Variants in EFNA5 observed in about 807,000 individuals in gnomAD.
EFNA5 encodes ephrin A5, also known as ephrin-A5.
A neutral mutation model predicts 22.9 loss-of-function variants in EFNA5; 5 were observed. That is an observed-to-expected ratio of 0.22 (90% CI 0.11 to 0.46). The LOEUF (loss-of-function observed/expected upper bound fraction) is 0.46, where lower values mean the gene tolerates loss of function less well. Among genes scored for constraint, EFNA5 ranks in the 20% least tolerant of loss-of-function variants. The probability of loss-of-function intolerance (pLI) is 0.99; values close to 1 mark genes in which losing one functional copy is unlikely to be tolerated. For synonymous variants in EFNA5, 113 were observed against 112.2 expected (o/e 1.01, Z -0.04); for missense variants, 237 against 293.3 (o/e 0.81, Z 1.40).
In EFNA5 at chr5:107,380,908, C is replaced by T. The variant is rs1013689722; in HGVS notation, c.*347G>A. 1.8e-5 allele frequency: 8 copies of T among 436,638 alleles called. No homozygotes were observed. The highest frequency in any genetic ancestry group is 3.9e-5 in the African/African-American group (2 of 51,092). The allele number at this position is 436,638 out of a possible 1,614,324, so 27.0% of individuals were successfully genotyped here. ...TTGTCCATAGCCCGCTGACACAGTG[C>T]GCTAACGGAGGTGAGTTCTTAGAGG... On this transcript the variant is annotated 3_prime_UTR_variant, in exon 5 of 5. Transcript: ENST00000333274.
chr5:107,409,470 G>C (rs567668623), intron 2 of EFNA5, among the ~76,000 whole-genome samples: 1 of 152,328 alleles, frequency 6.6e-6, no homozygotes, highest in East Asian at 1.9e-4. Context: ...AAACTACTGA[G>C]TATTGCTAGG....
At position 107,502,689 on chromosome 5, in the gene EFNA5, T is replaced by C. The variant is rs551906776; in HGVS notation, c.126-75180A>G. 2.0e-5 allele frequency among the ~76,000 whole-genome samples: 3 copies of C among 152,308 alleles called. No individual in the cohort carries two copies. In the South Asian group the frequency reaches 6.2e-4, roughly 32 times the overall value. On this transcript the variant is annotated intron_variant, in intron 1 of 4. Coordinates refer to ENST00000333274, the MANE Select transcript of EFNA5 (RefSeq NM_001962.3). ...TATCAAACTATGACTTCTAAATTCC[T>C]TTCCATCAAATGCCAGTAGAAGCAC...
At chr5:107,533,259 G>A (rs551532580) in intron 1 of EFNA5, among the ~76,000 whole-genome samples, 3 of 152,196 alleles carry the variant, frequency 2.0e-5, no homozygotes, top group East Asian at 3.9e-4. Context: ...ATGAAGCGGG[G>A]GGATCTTTTT....
chr5:107,380,549 T>C lies in EFNA5; in HGVS notation c.*706A>G, dbSNP rs964195260. On this transcript the variant is annotated 3_prime_UTR_variant, in exon 5 of 5. Transcript: ENST00000333274. ...TTTCTCTGTTTTCACACCTGCTCTG[T>C]ATTAGCATTCCACACCCAACCTGCC... 8.4e-6 allele frequency: 3 copies of C among 356,016 alleles called. No homozygotes were observed. Among genetic ancestry groups the C allele is most frequent in the African/African-American group, 6.3e-5 (3 of 47,274 alleles). The allele number at this position is 356,016 out of a possible 1,614,324, so 22.1% of individuals were successfully genotyped here.
Position 107,438,669 on chromosome 5 carries a change from A to G in EFNA5, c.126-11160T>C, listed in dbSNP as rs145477970. On this transcript the variant is annotated intron_variant, in intron 1 of 4. Transcript: ENST00000333274. ...AAACCAGCGTTCTCAGGCTCCCACC[A>G]GAGTCACCACAAAGCTACCAAATAG... Among the ~76,000 whole-genome samples the G allele has an allele frequency of 9.3e-4, 142 of 152,148 alleles. 2 individuals are homozygous for G. The East Asian group carries it at 0.021, about 23-fold the overall frequency.
chr5:107,392,169 C>T (rs1235248829), intron 2 of EFNA5, among the ~76,000 whole-genome samples: 1 of 152,120 alleles, frequency 6.6e-6, no homozygotes, highest in African/African-American at 2.4e-5. Context: ...TTGTGGCGGG[C>T]AGCTTCTGAC....
chr5:107,595,835 C>A (rs1056711906), intron 1 of EFNA5, among the ~76,000 whole-genome samples: 1 of 152,082 alleles, frequency 6.6e-6, no homozygotes, highest in Non-Finnish European at 1.5e-5. Flanking sequence ...GGATAAAATA[C>A]GCACTTCAAA....
chr5:107,481,849 CAAA>C (rs3078574), intron 1 of EFNA5, among the ~76,000 whole-genome samples: 1 of 119,846 alleles, frequency 8.3e-6, no homozygotes. Context: ...GACTCCATCT[CAAA>C]AAAAAAAAAA....
chr5:107,598,268 T>C (rs977576371), intron 1 of EFNA5, among the ~76,000 whole-genome samples: 13 of 152,106 alleles, frequency 8.5e-5, no homozygotes, highest in African/African-American at 3.1e-4. Context: ...AGTTAAATAA[T>C]TTTCCTTACT....
chr5:107,552,983 C>A (rs1748331163), intron 1 of EFNA5, among the ~76,000 whole-genome samples: 1 of 152,076 alleles, frequency 6.6e-6, no homozygotes, highest in South Asian at 2.1e-4. Context: ...TTGTAAACTG[C>A]AAAAGGATAA....
intron 1 of EFNA5, among the ~76,000 whole-genome samples, chr5:107,591,547 G>A (rs1212507844): frequency 2.0e-5 from 3 of 151,792 alleles, no homozygotes; most frequent in South Asian, 2.1e-4. Flanking sequence ...TTGAGGCCGG[G>A]TGCAGTGGCT....
intron 1 of EFNA5, among the ~76,000 whole-genome samples, chr5:107,658,263 A>G (rs1388832294): frequency 6.6e-6 from 1 of 152,182 alleles, no homozygotes; most frequent in Non-Finnish European, 1.5e-5. Context: ...CTGCGGTGTA[A>G]TTCTGGCATT....
intron 1 of EFNA5, among the ~76,000 whole-genome samples, chr5:107,553,404 T>C (rs915201889): frequency 6.6e-6 from 1 of 152,190 alleles, no homozygotes; most frequent in African/African-American, 2.4e-5. Context: ...CACCATCCAC[T>C]GCTTTCAAAG....
chr5:107,402,717 A>G (rs1030745692), intron 2 of EFNA5, among the ~76,000 whole-genome samples: 2 of 152,186 alleles, frequency 1.3e-5, no homozygotes, highest in African/African-American at 2.4e-5. Flanking sequence ...CATTTATTAT[A>G]CTGATACATT....
chr5:107,410,052 G>A (rs1384233073), intron 2 of EFNA5, among the ~76,000 whole-genome samples: 2 of 129,592 alleles, frequency 1.5e-5, no homozygotes, highest in African/African-American at 3.2e-5. Context: ...TTTTTGAGAC[G>A]AAGTCTCACT....
intron 1 of EFNA5, among the ~76,000 whole-genome samples, chr5:107,522,627 T>G (rs1438700236): frequency 6.6e-6 from 1 of 152,132 alleles, no homozygotes; most frequent in Non-Finnish European, 1.5e-5. Context: ...CGACGTTACC[T>G]CCAGTGATCC....
chr5:107,414,888 A>G (rs1748463153), intron 2 of EFNA5, among the ~76,000 whole-genome samples: 1 of 152,164 alleles, frequency 6.6e-6, no homozygotes, highest in Non-Finnish European at 1.5e-5. Flanking sequence ...AAAAAAAAAG[A>G]GAAACTCAAG....
intron 1 of EFNA5, among the ~76,000 whole-genome samples, chr5:107,433,002 T>G (rs1269747662): frequency 6.6e-6 from 1 of 152,224 alleles, no homozygotes; most frequent in African/African-American, 2.4e-5. Context: ...TTTCTTTTCT[T>G]GAGCTTACTT....
chr5:107,558,161 G>A (rs899849581), intron 1 of EFNA5, among the ~76,000 whole-genome samples: 1 of 151,782 alleles, frequency 6.6e-6, no homozygotes, highest in African/African-American at 2.4e-5. Flanking sequence ...GAGATTACAA[G>A]ACTTGCCCAA....
Sources: allele counts gnomAD v4.1 joint callset (sites outside exome capture counted in the v4.1 genomes callset), GRCh38; gene constraint gnomAD v4.1.1; transcripts MANE v1.5; gene names NCBI Gene and HGNC (gene_info 2026-07-23, HGNC 2026-07-21).